Variants in DCC observed in about 807,000 individuals in gnomAD.
DCC encodes netrin receptor DCC.
DCC carries 58 observed loss-of-function variants against 172.5 expected under a neutral mutation model. The ratio of observed to expected loss-of-function variants is 0.34; its 90% CI spans 0.27 to 0.42. The LOEUF is 0.42. Among genes scored for constraint, DCC ranks in the 10% least tolerant of loss-of-function variants. The pLI is 1.00. For missense variants in DCC, 1,740 were observed against 1,791.0 expected, an observed-to-expected ratio of 0.97 and a Z score of 0.51; for synonymous variants, 709 against 644.5, an observed-to-expected ratio of 1.10 and a Z score of -1.52.
At chr18:53,464,608 GCA>G (rs2045596404) in intron 24 of DCC, among the ~76,000 whole-genome samples, 3 of 151,362 alleles carry the variant, frequency 2.0e-5, no homozygotes, top group African/African-American at 7.3e-5. Flanking sequence ...GTAATATCAA[GCA>G]CAGTCTATTT....
chr18:52,834,590 G>T (rs2038670391), intron 2 of DCC, among the ~76,000 whole-genome samples: 1 of 152,002 alleles, frequency 6.6e-6, no homozygotes, highest in Non-Finnish European at 1.5e-5. Flanking sequence ...ACTTATAAAA[G>T]CACACAAGCT....
chr18:52,367,510 G>A (rs1442007687), intron 1 of DCC, among the ~76,000 whole-genome samples: 1 of 152,166 alleles, frequency 6.6e-6, no homozygotes, highest in Non-Finnish European at 1.5e-5. Flanking sequence ...AAGGACACTG[G>A]GAGATTTGAT....
At chr18:52,590,138 T>C (rs1196607285) in intron 1 of DCC, among the ~76,000 whole-genome samples, 1 of 145,324 alleles carries the variant, frequency 6.9e-6, no homozygotes, top group Non-Finnish European at 1.5e-5. Flanking sequence ...AATTATCCAC[T>C]GGTGTGCCTT....
intron 1 of DCC, among the ~76,000 whole-genome samples, chr18:52,608,188 A>G (rs1328353764): frequency 6.6e-6 from 1 of 152,146 alleles, no homozygotes; most frequent in East Asian, 1.9e-4. Context: ...AGGAGTCAGC[A>G]TTTCTAATAC....
intron 1 of DCC, among the ~76,000 whole-genome samples, chr18:52,613,059 T>C (rs1468798212): frequency 1.3e-5 from 2 of 152,198 alleles, no homozygotes; most frequent in Non-Finnish European, 2.9e-5. Flanking sequence ...ATAGACAGGA[T>C]GGACATCATG....
intron 14 of DCC, among the ~76,000 whole-genome samples, chr18:53,338,123 G>A (rs1435194155): frequency 6.6e-6 from 1 of 152,158 alleles, no homozygotes; most frequent in Non-Finnish European, 1.5e-5. Flanking sequence ...TAGGTTACAT[G>A]TGCTTGTATT....
intron 12 of DCC, among the ~76,000 whole-genome samples, chr18:53,243,508 A>G (rs1193603556): frequency 6.6e-6 from 1 of 152,146 alleles, no homozygotes; most frequent in East Asian, 1.9e-4. Flanking sequence ...TGAGGCAGGG[A>G]CTAGTTGCCT....
intron 2 of DCC, among the ~76,000 whole-genome samples, chr18:52,867,715 G>A (rs549310572): frequency 6.6e-6 from 1 of 152,216 alleles, no homozygotes; most frequent in East Asian, 1.9e-4. Flanking sequence ...ATTTCTGTGG[G>A]ATCAGTGGTG....
intron 28 of DCC, among the ~76,000 whole-genome samples, chr18:53,529,003 T>TTCTCTCTCTCTCTCTCTC (rs144580817): frequency 3.0e-5 from 3 of 101,010 alleles, no homozygotes; most frequent in African/African-American, 1.0e-4. Flanking sequence ...TCACTTCAAC[T>TTCTCTCTCTCTCTCTCTC]TCTCTCTCTC....
rs556846269 is a variant in DCC, at chr18:52,736,538, A to G, written c.92-15516A>G. On this transcript the variant is annotated intron_variant, in intron 1 of 28. Coordinates refer to ENST00000442544, the MANE Select transcript of DCC (RefSeq NM_005215.4). ...GCACATTTTTCATACTGTTTTTTGA[A>G]CTGCAGAGAAAAAAAGTTGAAAGGG... Among the ~76,000 whole-genome samples, 8 of 152,206 alleles carry G rather than the reference A, an allele frequency of 5.3e-5. No individual in the cohort carries two copies. The South Asian group carries it at 1.5e-3, about 28-fold the overall frequency.
chr18:53,207,673 C>T lies in DCC; in HGVS notation c.1723-6C>T. On this transcript the variant is annotated splice_region_variant and splice_polypyrimidine_tract_variant and intron_variant, in intron 10 of 28. Transcript: ENST00000442544. ...TGATAACAGTTTTGGTGTTTTATGT[C>T]TCCAGAATATAGAGGTTGATGGACT... is the stretch of plus-strand genomic sequence containing the variant. 6.2e-7 allele frequency: 1 copy of T among 1,613,108 alleles called. No homozygotes were observed. The highest frequency in any genetic ancestry group is 1.3e-5 in the African/African-American group (1 of 74,966).
At chr18:52,946,654 C>T (rs2040550812) in intron 5 of DCC, among the ~76,000 whole-genome samples, 1 of 152,132 alleles carries the variant, frequency 6.6e-6, no homozygotes, top group Non-Finnish European at 1.5e-5. Context: ...GAGAAAGCTC[C>T]ACAATGCAAA....
At chr18:53,057,273 G>A (rs879472233) in intron 5 of DCC, among the ~76,000 whole-genome samples, 4 of 151,808 alleles carry the variant, frequency 2.6e-5, no homozygotes, top group Non-Finnish European at 5.9e-5. Context: ...GCATAGAAAC[G>A]TTTAAAAAGA....
At chr18:53,054,364 G>T (rs2144048831) in intron 5 of DCC, among the ~76,000 whole-genome samples, 1 of 152,092 alleles carries the variant, frequency 6.6e-6, no homozygotes, top group Admixed American at 6.6e-5. Flanking sequence ...ATAAATATGT[G>T]TGTATATGTA....
chr18:53,430,252 A>C (rs577341998), intron 21 of DCC, among the ~76,000 whole-genome samples: 1 of 152,262 alleles, frequency 6.6e-6, no homozygotes, highest in East Asian at 1.9e-4. Context: ...AACATTTGTT[A>C]GATGGCCAGT....
At chr18:53,059,937 G>A (rs1420206890) in intron 5 of DCC, among the ~76,000 whole-genome samples, 1 of 151,998 alleles carries the variant, frequency 6.6e-6, no homozygotes, top group Non-Finnish European at 1.5e-5. Flanking sequence ...TTGTCTTTAT[G>A]ATATAGTCCA....
At chr18:52,933,408 G>A (rs1271854258) in intron 5 of DCC, among the ~76,000 whole-genome samples, 1 of 151,794 alleles carries the variant, frequency 6.6e-6, no homozygotes, top group Non-Finnish European at 1.5e-5. Context: ...GAGAATGGGG[G>A]AGGGAGTGGT....
rs151190500 is a variant in DCC at position 53,153,200 on chromosome 18, T to C, written c.1262-4156T>C. ...AAATTTCAAAAAGCTTTCACCAAGT[T>C]ATAATTAATTATATGTTTAAAAATA... On this transcript the variant is annotated intron_variant, in intron 7 of 28. Transcript: ENST00000442544. 2.2e-4 allele frequency among the ~76,000 whole-genome samples: 33 copies of C among 152,340 alleles called. No individual in the cohort carries two copies. In the East Asian group the frequency reaches 6.4e-3, roughly 29 times the overall value.
chr18:52,768,321 T>C (rs1179643273), intron 2 of DCC, among the ~76,000 whole-genome samples: 1 of 152,202 alleles, frequency 6.6e-6, no homozygotes, highest in African/African-American at 2.4e-5. Flanking sequence ...TTTCACACTT[T>C]TTCCCTTGTC....
Sources: allele counts gnomAD v4.1 joint callset (sites outside exome capture counted in the v4.1 genomes callset), GRCh38; gene constraint gnomAD v4.1.1; transcripts MANE v1.5; gene names NCBI Gene and HGNC (gene_info 2026-07-23, HGNC 2026-07-21).